CUX2: variants seen among roughly 807,000 people sequenced by gnomAD.
The protein encoded by CUX2 is homeobox protein cut-like 2.
A neutral mutation model predicts 144.8 loss-of-function variants in CUX2; 40 were observed. The observed-to-expected ratio is 0.28, with a 90% CI of 0.21 to 0.36. The LOEUF (loss-of-function observed/expected upper bound fraction) is 0.36. Ranked by LOEUF, CUX2 falls within the 10% of genes least tolerant of loss-of-function variation. CUX2 has a pLI of 1.00. For missense variants in CUX2, 1,615 were observed against 1,994.0 expected (o/e 0.81, Z 3.62); for synonymous variants, 827 against 875.6 (o/e 0.94, Z 0.98).
chr12:111,284,066 G>T (rs1186581657), intron 4 of CUX2, among the ~76,000 whole-genome samples: 1 of 151,826 alleles, frequency 6.6e-6, no homozygotes, highest in Non-Finnish European at 1.5e-5. Context: ...TCTTTCTTTT[G>T]TGGGCCTTTC....
chr12:111,097,421 T>C (rs1872884068), intron 1 of CUX2, among the ~76,000 whole-genome samples: 2 of 152,142 alleles, frequency 1.3e-5, no homozygotes, highest in South Asian at 4.1e-4. Flanking sequence ...GGATGGGAAG[T>C]TGGGGAGGAA....
rs1365647254 is a variant in CUX2 at position 111,034,716 on chromosome 12, GGAGGAGGAGGA to G, written c.63+489_63+499del. Among the ~76,000 whole-genome samples, 2 of 151,372 alleles carry G rather than the reference GGAGGAGGAGGA, an allele frequency of 1.3e-5. No homozygotes were observed. Among genetic ancestry groups the G allele is most frequent in the Non-Finnish European group, 3.0e-5 (2 of 67,696 alleles). ...GAGGGAGGGAGCTGGCGGGCAGGGAGGAGGAGGAGGAGAGGAGGAGGAGGAGGAGAGAGGAG... is the reference window on the plus strand; with the variant it reads ...GAGGGAGGGAGCTGGCGGGCAGGGAGGAGGAGGAGGAGGAGGAGAGAGGAG... On this transcript the variant is annotated intron_variant, in intron 1 of 21. Transcript: ENST00000261726. This position sits in a 1 kb window ranked among gnomAD's most constrained non-coding sequence, Gnocchi z 4.2.
intron 1 of CUX2, among the ~76,000 whole-genome samples, chr12:111,192,807 C>T (rs909513548): frequency 4.6e-5 from 7 of 152,236 alleles, no homozygotes; most frequent in African/African-American, 1.7e-4. Flanking sequence ...TACTCATATT[C>T]TTTCACAAAC....
intron 1 of CUX2, among the ~76,000 whole-genome samples, chr12:111,104,017 C>A (rs1004294323): frequency 3.9e-5 from 6 of 152,232 alleles, no homozygotes. Context: ...GCCGTTCCGA[C>A]CACCTGGAAT....
intron 1 of CUX2, among the ~76,000 whole-genome samples, chr12:111,063,528 C>A (rs1870884302): frequency 6.6e-6 from 1 of 152,248 alleles, no homozygotes; most frequent in African/African-American, 2.4e-5. Flanking sequence ...CTCCCACAGC[C>A]CCGGCAAAGG....
chr12:111,181,774 C>T (rs1272586214), intron 1 of CUX2, among the ~76,000 whole-genome samples: 1 of 152,204 alleles, frequency 6.6e-6, no homozygotes, highest in Non-Finnish European at 1.5e-5. Flanking sequence ...AGCAATTTTG[C>T]TGAGGCTGTC....
At chr12:111,098,332 A>T (rs546931726) in intron 1 of CUX2, among the ~76,000 whole-genome samples, 1 of 151,834 alleles carries the variant, frequency 6.6e-6, no homozygotes, top group Admixed American at 6.6e-5. Context: ...CCTGGGAGGT[A>T]GAGGTTACAG....
chr12:111,345,101 A>C (rs927730027), intron 21 of CUX2, among the ~76,000 whole-genome samples: 6 of 150,410 alleles, frequency 4.0e-5, no homozygotes, highest in Admixed American at 3.3e-4. Flanking sequence ...ATGTTTTTTG[A>C]TCCATTTTAA....
chr12:111,053,409 A>G (rs971362812), intron 1 of CUX2, among the ~76,000 whole-genome samples: 1 of 152,122 alleles, frequency 6.6e-6, no homozygotes. Flanking sequence ...AACCCACTTA[A>G]TGCTGAGATG....
intron 18 of CUX2, among the ~76,000 whole-genome samples, chr12:111,327,493 T>C (rs1307234928): frequency 6.6e-6 from 1 of 152,184 alleles, no homozygotes; most frequent in Non-Finnish European, 1.5e-5. Context: ...ATGGGTTATC[T>C]CCCATTTGTT....
rs1017321149 is a variant in CUX2 at position 111,059,479 on chromosome 12, T to C, written c.63+25239T>C. 1.1e-4 allele frequency among the ~76,000 whole-genome samples: 17 copies of C among 152,140 alleles called. No individual in the cohort carries two copies. The highest frequency in any genetic ancestry group is 2.2e-4 in the Non-Finnish European group (15 of 68,022). ...GACTACTGCCTGATTCCTGGACCAT[T>C]TTGTTTTCTATGAGGGCCCCATTGA... On this transcript the variant is annotated intron_variant, in intron 1 of 21. Transcript: ENST00000261726. This position sits in a 1 kb window ranked among gnomAD's most constrained non-coding sequence, Gnocchi z 5.3.
intron 21 of CUX2, among the ~76,000 whole-genome samples, chr12:111,343,887 C>T (rs1375625690): frequency 1.3e-5 from 2 of 152,216 alleles, no homozygotes; most frequent in East Asian, 1.9e-4. Flanking sequence ...ATGATGAAAC[C>T]CCATCTCTAC....
chr12:111,276,792 C>T (rs1338896801), intron 4 of CUX2, among the ~76,000 whole-genome samples: 2 of 152,026 alleles, frequency 1.3e-5, no homozygotes, highest in Non-Finnish European at 2.9e-5. Flanking sequence ...GGACTACAGG[C>T]GCGAGCCACC....
At chr12:111,082,293 G>GAA (rs1222014747) in intron 1 of CUX2, among the ~76,000 whole-genome samples, 4 of 152,144 alleles carry the variant, frequency 2.6e-5, no homozygotes, top group African/African-American at 9.7e-5. Context: ...GGAGAAAGTG[G>GAA]AAAATCACAA....
chr12:111,176,165 C>A (rs1592805060), intron 1 of CUX2, among the ~76,000 whole-genome samples: 1 of 151,206 alleles, frequency 6.6e-6, no homozygotes, highest in Non-Finnish European at 1.5e-5. Flanking sequence ...AATCCTCCTG[C>A]CTCAGCCTCT....
intron 1 of CUX2, among the ~76,000 whole-genome samples, chr12:111,191,354 CAG>C (rs1481017693): frequency 1.3e-5 from 2 of 150,216 alleles, no homozygotes; most frequent in Non-Finnish European, 3.0e-5. Flanking sequence ...TATTTTGAGA[CAG>C]AGTCTTGCTC....
intron 3 of CUX2, among the ~76,000 whole-genome samples, chr12:111,244,164 A>G (rs1488257429): frequency 2.0e-5 from 3 of 152,062 alleles, no homozygotes; most frequent in South Asian, 4.1e-4. Context: ...GGCTCAAGCA[A>G]TCCTCCTACC....
At chr12:111,090,634 G>A (rs913491391) in intron 1 of CUX2, among the ~76,000 whole-genome samples, 1 of 151,920 alleles carries the variant, frequency 6.6e-6, no homozygotes, top group Admixed American at 6.6e-5. Flanking sequence ...CCCATCTCTC[G>A]GCATCCTTTT....
intron 4 of CUX2, among the ~76,000 whole-genome samples, chr12:111,267,861 G>A (rs908834089): frequency 5.3e-5 from 8 of 151,842 alleles, no homozygotes; most frequent in African/African-American, 1.9e-4. Flanking sequence ...GCTTAACAAA[G>A]CCCAGGCTGG....
Sources: allele counts gnomAD v4.1 joint callset (sites outside exome capture counted in the v4.1 genomes callset), GRCh38; gene constraint gnomAD v4.1.1; non-coding constraint Gnocchi (gnomAD v3.1); transcripts MANE v1.5; gene names NCBI Gene and HGNC (gene_info 2026-07-23, HGNC 2026-07-21).